EPM2A: variants seen among roughly 807,000 people sequenced by gnomAD.
EPM2A encodes EPM2A glucan phosphatase, laforin.
Under a neutral mutation model 26.5 loss-of-function variants are expected in EPM2A, and 21 were observed. The ratio of observed to expected loss-of-function variants is 0.79; its 90% CI spans 0.56 to 1.14. The LOEUF (loss-of-function observed/expected upper bound fraction) is 1.14. Ranked by LOEUF, EPM2A falls within the 50% of genes most tolerant of loss-of-function variation. The probability of loss-of-function intolerance (pLI) is 0.00; values close to 1 mark genes in which losing one functional copy is unlikely to be tolerated. For synonymous variants in EPM2A, 217 were observed against 177.6 expected (o/e 1.22, Z -1.76); for missense variants, 458 against 440.8 (o/e 1.04, Z -0.35).
chr6:145,422,095 A>G (rs1778795928), intron 4 of EPM2A, among the ~76,000 whole-genome samples: 1 of 145,822 alleles, frequency 6.9e-6, no homozygotes, highest in Non-Finnish European at 1.5e-5. Flanking sequence ...AGAGAGAGAT[A>G]ATATATATAT....
chr6:145,411,771 C>T (rs76372605), intron 4 of EPM2A, among the ~76,000 whole-genome samples: 3,413 of 152,170 alleles, frequency 0.022, 115 homozygotes, highest in African/African-American at 0.074. Flanking sequence ...AAGAACATCG[C>T]CTAAAACTAT....
chr6:145,450,966 A>G (rs928573675), intron 4 of EPM2A, among the ~76,000 whole-genome samples: 1 of 152,134 alleles, frequency 6.6e-6, no homozygotes, highest in African/African-American at 2.4e-5. Context: ...TTTACCTGAA[A>G]GAAAAACTGA....
At chr6:145,415,322 T>C (rs1778693745) in intron 4 of EPM2A, among the ~76,000 whole-genome samples, 2 of 152,214 alleles carry the variant, frequency 1.3e-5, no homozygotes, top group South Asian at 4.1e-4. Flanking sequence ...CTGAAATCTC[T>C]CCTGATCTGT....
intron 4 of EPM2A, among the ~76,000 whole-genome samples, chr6:145,405,157 C>T (rs926329478): frequency 2.0e-5 from 3 of 152,122 alleles, no homozygotes; most frequent in African/African-American, 7.2e-5. Flanking sequence ...TAAGCTTACA[C>T]AAAAGTACCA....
At chr6:145,448,157 C>G (rs1779149197) in intron 4 of EPM2A, among the ~76,000 whole-genome samples, 1 of 152,098 alleles carries the variant, frequency 6.6e-6, no homozygotes. Flanking sequence ...AGTAAATACA[C>G]TATTGTGATT....
At chr6:145,705,971 T>G (rs1782202808) in intron 1 of EPM2A, 1 of 456,122 alleles carries the variant, frequency 2.2e-6, no homozygotes, top group South Asian at 1.6e-5. Context: ...GTGATGGGAA[T>G]TCAAGCAATT....
chr6:145,735,453 C>T lies in EPM2A; in HGVS notation c.46G>A (p.Ala16Thr). 1 of 1,239,802 alleles carries T rather than the reference C, an allele frequency of 8.1e-7. No homozygotes were observed. Among genetic ancestry groups the T allele is most frequent in the South Asian group, 2.9e-5 (1 of 34,636 alleles). The allele number at this position is 1,239,802 out of a possible 1,614,324, so 76.8% of individuals were successfully genotyped here. ...GVVVPPAVAG[A>T]RPELLVVGSR... ...CCCACCACCAGCAGCTCCGGCCGGG[C>T]GCCGGCCACGGCGGGTGGCACCACC... Residue 16 changes from alanine to threonine, a missense_variant, in exon 1 of 4, where the codon GCC becomes ACC. By Grantham distance (58) the Ala-to-Thr change is moderately conservative. Transcript: ENST00000367519.
chr6:145,616,760 T>C (rs1775521969), intron 2 of EPM2A, among the ~76,000 whole-genome samples: 1 of 152,202 alleles, frequency 6.6e-6, no homozygotes, highest in African/African-American at 2.4e-5. Flanking sequence ...AATTTTAAGA[T>C]TTGACTGTCC....
intron 1 of EPM2A, among the ~76,000 whole-genome samples, chr6:145,719,492 G>T: frequency 7.3e-6 from 1 of 136,072 alleles, no homozygotes; most frequent in Admixed American, 7.4e-5. Flanking sequence ...GGAGGGGGGA[G>T]GGATAGCATT....
chr6:145,648,632 T>A (rs1386380058), intron 2 of EPM2A, among the ~76,000 whole-genome samples: 2 of 152,222 alleles, frequency 1.3e-5, no homozygotes, highest in Admixed American at 1.3e-4. Flanking sequence ...CTTCAAAATA[T>A]CTCTGCTGAA....
intron 4 of EPM2A, among the ~76,000 whole-genome samples, chr6:145,457,753 G>A (rs73781813): frequency 0.017 from 2,581 of 152,088 alleles, 66 homozygotes; most frequent in African/African-American, 0.058. Flanking sequence ...GCCAGATATG[G>A]GCTCATTTTT....
downstream of EPM2A, among the ~76,000 whole-genome samples, chr6:145,496,966 A>G (rs1308000611): frequency 6.6e-6 from 1 of 152,050 alleles, no homozygotes; most frequent in African/African-American, 2.4e-5. Flanking sequence ...GCAATGTTTT[A>G]TCATGATTTT....
chr6:145,592,132 G>A (rs1781281660), intron 2 of EPM2A, among the ~76,000 whole-genome samples: 1 of 150,654 alleles, frequency 6.6e-6, no homozygotes, highest in Non-Finnish European at 1.5e-5. Flanking sequence ...TTTACATTAG[G>A]TATATCTCCT....
At chr6:145,704,616 GCCCAAGGCTGCTGGC>G (rs1324973814) in intron 1 of EPM2A, among the ~76,000 whole-genome samples, 2 of 152,310 alleles carry the variant, frequency 1.3e-5, no homozygotes, top group Admixed American at 6.5e-5. Context: ...AAGGACTGAA[GCCCAAGGCTGCTGGC>G]TCTCAGTTCA....
chr6:145,441,745 C>T (rs1163012409), intron 4 of EPM2A, among the ~76,000 whole-genome samples: 42 of 152,164 alleles, frequency 2.8e-4, no homozygotes, highest in Non-Finnish European at 8.8e-5. Flanking sequence ...GCCTGTAGTC[C>T]CAGCTACTTG....
intron 1 of EPM2A, among the ~76,000 whole-genome samples, chr6:145,688,153 A>C (rs770672920): frequency 1.4e-4 from 22 of 152,302 alleles, no homozygotes; most frequent in Non-Finnish European, 2.6e-4. Flanking sequence ...GAAATATTCT[A>C]AGCAGGCATG....
intron 2 of EPM2A, among the ~76,000 whole-genome samples, chr6:145,586,953 A>T (rs1178922014): frequency 6.6e-6 from 1 of 152,178 alleles, no homozygotes; most frequent in African/African-American, 2.4e-5. Context: ...TGGCAATGTT[A>T]CCCAAATCTA....
intron 2 of EPM2A, among the ~76,000 whole-genome samples, chr6:145,679,246 C>A (rs535242605): frequency 1.6e-5 from 2 of 126,908 alleles, no homozygotes; most frequent in South Asian, 5.0e-4. Context: ...ACATCACACA[C>A]TGGGGCCTGT....
intron 4 of EPM2A, among the ~76,000 whole-genome samples, chr6:145,388,785 T>C (rs544567207): frequency 2.0e-5 from 3 of 152,300 alleles, no homozygotes; most frequent in African/African-American, 7.2e-5. Flanking sequence ...GTTCCTGCGT[T>C]AGTTTGCTGA....
Sources: allele counts gnomAD v4.1 joint callset (sites outside exome capture counted in the v4.1 genomes callset), GRCh38; gene constraint gnomAD v4.1.1; transcripts MANE v1.5; gene names NCBI Gene and HGNC (gene_info 2026-07-23, HGNC 2026-07-21).